The following PHLPP2 variants were observed in gnomAD, a reference collection of about 807,000 sequenced individuals.
PHLPP2 encodes the protein PH domain and leucine rich repeat protein phosphatase 2.
A neutral mutation model predicts 124.9 loss-of-function variants in PHLPP2; 66 were observed. The ratio of observed to expected loss-of-function variants is 0.53; its 90% CI spans 0.43 to 0.65. The LOEUF (loss-of-function observed/expected upper bound fraction) is 0.65. Among genes scored for constraint, PHLPP2 ranks in the 30% least tolerant of loss-of-function variants. The pLI is 0.00. For synonymous variants in PHLPP2, 681 were observed against 624.7 expected (o/e 1.09, Z -1.34); for missense variants, 1,685 against 1,600.4 (o/e 1.05, Z -0.90).
chr16:71,661,442 C>T (rs1312340872), intron 13 of PHLPP2, among the ~76,000 whole-genome samples: 2 of 152,084 alleles, frequency 1.3e-5, no homozygotes, highest in African/African-American at 4.8e-5. Context: ...TATCAACCTG[C>T]TTTTGACCCC....
intron 2 of PHLPP2, among the ~76,000 whole-genome samples, chr16:71,710,295 C>A (rs915936734): frequency 1.3e-5 from 2 of 152,098 alleles, no homozygotes; most frequent in East Asian, 1.9e-4. Flanking sequence ...AGTTTCACCA[C>A]CAGATGATCT....
chr16:71,684,627 A>G, intron 4 of PHLPP2, 26 bp from the exon 5 acceptor site: 3 of 1,568,742 alleles, frequency 1.9e-6, no homozygotes, highest in Non-Finnish European at 2.6e-6. Flanking sequence ...GGAGAAAACC[A>G]GAACCACTAA....
intron 3 of PHLPP2, among the ~76,000 whole-genome samples, chr16:71,693,199 A>T (rs917497447): frequency 6.6e-6 from 1 of 152,176 alleles, no homozygotes; most frequent in Non-Finnish European, 1.5e-5. Context: ...AGGCAGGAGA[A>T]TCGCTTGAAC....
intron 3 of PHLPP2, among the ~76,000 whole-genome samples, chr16:71,697,848 A>ATTTT (rs142040816): frequency 8.4e-6 from 1 of 119,038 alleles, no homozygotes; most frequent in African/African-American, 3.2e-5. Flanking sequence ...AGGAAGTAGG[A>ATTTT]TTTTTTTTTT....
rs1317720283 is a variant in PHLPP2, at chr16:71,645,851, C to G, written c.*3039G>C. The G allele has an allele frequency of 6.6e-6, 1 of 152,538 alleles. No individual in the cohort carries two copies. Among genetic ancestry groups the G allele is most frequent in the Non-Finnish European group, 1.5e-5 (1 of 68,040 alleles). The allele number at this position is 152,538 out of a possible 1,614,324, so 9.4% of individuals were successfully genotyped here. ...AGTGCACTGCAGCTTTATGTCATACCAACATTCAAATATTCAAATATCCTT... is the reference window on the plus strand; with the variant it reads ...AGTGCACTGCAGCTTTATGTCATACGAACATTCAAATATTCAAATATCCTT... On this transcript the variant is annotated 3_prime_UTR_variant, in exon 19 of 19. Coordinates refer to ENST00000568954, the MANE Select transcript of PHLPP2 (RefSeq NM_015020.3).
intron 3 of PHLPP2, among the ~76,000 whole-genome samples, chr16:71,699,292 C>A (rs925899134): frequency 1.1e-4 from 16 of 152,070 alleles, no homozygotes; most frequent in African/African-American, 3.6e-4. Context: ...TCTGCTCTCT[C>A]CTGAATGGTT....
intron 3 of PHLPP2, among the ~76,000 whole-genome samples, chr16:71,692,722 C>T (rs749397259): frequency 9.2e-5 from 14 of 152,066 alleles, no homozygotes; most frequent in Non-Finnish European, 1.8e-4. Flanking sequence ...ATATAACCTA[C>T]GCACAACTTC....
intron 2 of PHLPP2, among the ~76,000 whole-genome samples, chr16:71,708,580 G>A (rs1211603669): frequency 1.3e-5 from 2 of 152,200 alleles, no homozygotes; most frequent in Non-Finnish European, 2.9e-5. Flanking sequence ...CTGACAAAGA[G>A]ATCAAGACCA....
chr16:71,675,439 A>G (rs2044937240), intron 9 of PHLPP2, among the ~76,000 whole-genome samples: 1 of 152,214 alleles, frequency 6.6e-6, no homozygotes. Context: ...GCAAATCACT[A>G]TTGAAATCAG....
intron 7 of PHLPP2, 79 bp from the exon 8 acceptor site, chr16:71,679,064 T>C (rs1300566111): frequency 3.9e-6 from 3 of 778,298 alleles, no homozygotes; most frequent in East Asian, 2.5e-5. Context: ...GGGATTCTGA[T>C]TTATGTCACT....
intron 8 of PHLPP2, 52 bp from the exon 9 acceptor site, chr16:71,676,701 G>T: frequency 7.6e-7 from 1 of 1,317,580 alleles, no homozygotes; most frequent in Non-Finnish European, 1.1e-6. Context: ...TATTAAATGT[G>T]CTTACCAGAA....
At chr16:71,723,228 G>A (rs979639772) in intron 1 of PHLPP2, 1 of 152,258 alleles carries the variant, frequency 6.6e-6, no homozygotes, top group Non-Finnish European at 1.5e-5. Flanking sequence ...CTCGGGTAGC[G>A]AGCCCCGAGG....
intron 4 of PHLPP2, among the ~76,000 whole-genome samples, chr16:71,685,732 T>C (rs1460545421): frequency 6.6e-6 from 1 of 152,192 alleles, no homozygotes; most frequent in Non-Finnish European, 1.5e-5. Context: ...ATATTTTATT[T>C]TGGAATGCTT....
rs114418474 is a variant in PHLPP2, at chr16:71,706,309, C to T, written c.285-3578G>A. ...ATGCTGTTAACAGCAGATTATACCG[C>T]TTAGCCAAGAGTAGTATCATTCTGT... On this transcript the variant is annotated intron_variant, in intron 2 of 18. Coordinates refer to ENST00000568954, the MANE Select transcript of PHLPP2 (RefSeq NM_015020.3). Among the ~76,000 whole-genome samples, 518 of 152,318 alleles carry T rather than the reference C, an allele frequency of 3.4e-3. 7 individuals are homozygous for T. The highest frequency in any genetic ancestry group is 0.012 in the African/African-American group (489 of 41,570).
chr16:71,699,003 A>C (rs2045201901), intron 3 of PHLPP2, among the ~76,000 whole-genome samples: 1 of 152,196 alleles, frequency 6.6e-6, no homozygotes, highest in Non-Finnish European at 1.5e-5. Context: ...ATGCACCAAA[A>C]ATTCTACACA....
At chr16:71,676,930 GT>G in intron 8 of PHLPP2, 1 of 367,204 alleles carries the variant, frequency 2.7e-6, no homozygotes, top group South Asian at 2.4e-5. Flanking sequence ...TGTATTTTTA[GT>G]AGAGCTGGGG....
At position 71,676,649 on chromosome 16, in the gene PHLPP2, C is replaced by T; in HGVS notation, c.1269G>A (p.Arg423=). 1 of 1,597,714 alleles carries T rather than the reference C, an allele frequency of 6.3e-7. No individual in the cohort carries two copies. The change falls in exon 9 of 19, where the codon AGG becomes AGA. Residue 423 remains arginine (R), a splice_region_variant and synonymous_variant. Transcript: ENST00000568954. ...TAACCATGGTTTTCAAATGGTTCAT[C>T]CTTAATACGCAGAAACAAGAAAATA... ...RMNHIKHVDL[R]MNHLKTMVIE...
At chr16:71,673,064 A>G (rs2044909110) in intron 9 of PHLPP2, among the ~76,000 whole-genome samples, 1 of 152,198 alleles carries the variant, frequency 6.6e-6, no homozygotes, top group Non-Finnish European at 1.5e-5. Context: ...CCTGTAAAAA[A>G]TTATTTTATG....
chr16:71,673,054 C>A (rs565776279), intron 9 of PHLPP2, among the ~76,000 whole-genome samples: 1 of 152,242 alleles, frequency 6.6e-6, no homozygotes, highest in African/African-American at 2.4e-5. Flanking sequence ...CATTCTCATG[C>A]CTGTAAAAAA....
Sources: gnomAD v4.1 joint callset for allele counts (sites outside exome capture counted in the v4.1 genomes callset) on GRCh38, gnomAD v4.1.1 for gene constraint, MANE v1.5 for transcripts, NCBI Gene and HGNC (gene_info 2026-07-23, HGNC 2026-07-21) for gene names.